Variants in RPS6KA2 observed in about 807,000 individuals in gnomAD.
The protein encoded by RPS6KA2 is ribosomal protein S6 kinase alpha-2.
RPS6KA2 carries 42 observed loss-of-function variants against 91.8 expected under a neutral mutation model. The ratio of observed to expected loss-of-function variants is 0.46; its 90% CI spans 0.36 to 0.59. The LOEUF is 0.59. Among genes scored for constraint, RPS6KA2 ranks in the 20% least tolerant of loss-of-function variants. The pLI, the probability that RPS6KA2 is intolerant of heterozygous loss-of-function variation, is 0.00. For missense variants in RPS6KA2, 798 were observed against 978.5 expected, an observed-to-expected ratio of 0.82 and a Z score of 2.46; for synonymous variants, 414 against 393.6, an observed-to-expected ratio of 1.05 and a Z score of -0.61.
chr6:166,806,673 C>T (rs1210596645), intron 2 of RPS6KA2, among the ~76,000 whole-genome samples: 2 of 151,988 alleles, frequency 1.3e-5, no homozygotes, highest in Non-Finnish European at 2.9e-5. Context: ...TAGACAATAA[C>T]TAAAAGCAAC....
At chr6:166,545,287 A>G (rs916692792) in intron 1 of RPS6KA2, among the ~76,000 whole-genome samples, 2 of 152,204 alleles carry the variant, frequency 1.3e-5, no homozygotes, top group African/African-American at 4.8e-5. Context: ...TTTCTCATCC[A>G]TCCTAGAATA....
intron 16 of RPS6KA2, among the ~76,000 whole-genome samples, chr6:166,425,910 AGGGATACCCAGGAATTGAAC>A (rs1778899847): frequency 6.6e-6 from 1 of 152,214 alleles, no homozygotes; most frequent in African/African-American, 2.4e-5. Flanking sequence ...GAAAGTTAAC[AGGGATACCCAGGAATTGAAC>A]TCAGCTCTGC....
intron 2 of RPS6KA2, among the ~76,000 whole-genome samples, chr6:166,655,157 T>C (rs1787968283): frequency 6.6e-6 from 1 of 152,226 alleles, no homozygotes; most frequent in Non-Finnish European, 1.5e-5. Flanking sequence ...TTCCAAACTA[T>C]TCAATTTACC....
In RPS6KA2 at chr6:166,563,145, T is replaced by A. The variant is rs1784392025; in HGVS notation, c.100-24361A>T. On this transcript the variant is annotated intron_variant, in intron 1 of 20. Transcript: ENST00000265678. The surrounding 1 kb of genome is among the most constrained non-coding windows in gnomAD (Gnocchi z 4.1). ...GCCTGCAATGACTGGAGGGTGGGAG[T>A]GGACGAAGTTTATTCTGGAGACAAC... Among the ~76,000 whole-genome samples, 1 of 151,740 alleles carries A rather than the reference T, an allele frequency of 6.6e-6. No homozygotes were observed.
At chr6:166,628,286 C>T (rs1786970643), upstream of RPS6KA2, among the ~76,000 whole-genome samples, 1 of 152,206 alleles carries the variant, frequency 6.6e-6, no homozygotes, top group Non-Finnish European at 1.5e-5. Context: ...CCCGTGCAGC[C>T]TGCTCTGTTT....
intron 2 of RPS6KA2, among the ~76,000 whole-genome samples, chr6:166,684,102 C>T (rs1788927800): frequency 6.6e-6 from 1 of 152,066 alleles, no homozygotes; most frequent in Non-Finnish European, 1.5e-5. Flanking sequence ...AAAACAGGGC[C>T]CAACCTCCCC....
chr6:166,579,736 C>T (rs935921925), intron 1 of RPS6KA2, among the ~76,000 whole-genome samples: 4 of 152,120 alleles, frequency 2.6e-5, no homozygotes, highest in Admixed American at 2.0e-4. Context: ...TATTTAATGT[C>T]GCTAAATTTC....
Position 166,770,998 on chromosome 6 carries a change from A to G in RPS6KA2, c.123+87202T>C. On this transcript the variant is annotated intron_variant, in intron 2 of 21. Transcript: ENST00000503859. The surrounding 1 kb of genome is among the most constrained non-coding windows in gnomAD (Gnocchi z 5.1). ...CAACTTCATTAGCAAGGGCATTACT[A>G]CCATACTCACCAGGCCTGTGAGCTT... 1 of 1,128,598 alleles carries G rather than the reference A, an allele frequency of 8.9e-7. No homozygotes were observed. Among genetic ancestry groups the G allele is most frequent in the Non-Finnish European group, 1.3e-6 (1 of 777,032 alleles). The allele number at this position is 1,128,598 out of a possible 1,614,324, so 69.9% of individuals were successfully genotyped here.
rs1562437253 is a variant in RPS6KA2 at position 166,783,836 on chromosome 6, ACACCTATCTAT to A, written c.123+74353_123+74363del. Reference sequence around the variant, plus strand: ...CCTGTAACCACATATGCACACGTGCACACCTATCTATACCACATATGCACACGTGCACACCT... The same window carrying A: ...CCTGTAACCACATATGCACACGTGCAACCACATATGCACACGTGCACACCT... On this transcript the variant is annotated intron_variant, in intron 2 of 21. Transcript: ENST00000503859. Among the ~76,000 whole-genome samples, 11 of 77,500 alleles carry A rather than the reference ACACCTATCTAT, an allele frequency of 1.4e-4. 1 individual carries two copies. Among genetic ancestry groups the A allele is most frequent in the East Asian group, 1.1e-3 (2 of 1,884 alleles). The allele number at this position is 77,500 out of a possible 152,430, so 50.8% of individuals were successfully genotyped here.
At chr6:166,744,458 G>A (rs1392985328) in intron 2 of RPS6KA2, among the ~76,000 whole-genome samples, 1 of 152,342 alleles carries the variant, frequency 6.6e-6, no homozygotes, top group East Asian at 1.9e-4. Flanking sequence ...GGTCCCGGGG[G>A]CCTGCACTCC....
Position 166,707,282 on chromosome 6 carries a change from C to T in RPS6KA2, c.123+150918G>A, listed in dbSNP as rs181385285. On this transcript the variant is annotated intron_variant, in intron 2 of 21. Coordinates refer to the RPS6KA2 transcript ENST00000503859. The stretch of plus-strand genomic sequence containing the variant: ...AGCCACGCAGCCCGCAGAGCAGAGC[C>T]GGGTTAGAGCACAGTTCCGTCTCAC... Among the ~76,000 whole-genome samples, 106 of 152,332 alleles carry T rather than the reference C, an allele frequency of 7.0e-4. 1 individual carries two copies. Among genetic ancestry groups the T allele is most frequent in the Non-Finnish European group, 1.3e-3 (86 of 68,022 alleles).
intron 2 of RPS6KA2, among the ~76,000 whole-genome samples, chr6:166,842,757 G>C (rs1007216914): frequency 5.3e-5 from 8 of 152,186 alleles, no homozygotes; most frequent in African/African-American, 1.9e-4. Flanking sequence ...AGGGAAAATG[G>C]AGATTAAGAT....
intron 1 of RPS6KA2, among the ~76,000 whole-genome samples, chr6:166,609,983 T>C (rs1786108723): frequency 6.6e-6 from 1 of 152,262 alleles, no homozygotes; most frequent in African/African-American, 2.4e-5. Context: ...CTCTTTTACA[T>C]ATTTTTCTAA....
At chr6:166,674,742 T>G (rs1012388632) in intron 2 of RPS6KA2, among the ~76,000 whole-genome samples, 12 of 152,124 alleles carry the variant, frequency 7.9e-5, no homozygotes, top group African/African-American at 2.9e-4. Context: ...AATCTGGGCT[T>G]GCTGCAACCT....
rs761302415 is a variant in RPS6KA2 at position 166,418,290 on chromosome 6, G to A, written c.1873C>T (p.Arg625Trp). The change falls in exon 19 of 21, where the codon CGG becomes TGG. Residue 625 changes from arginine to tryptophan, a missense_variant. Physicochemically the swap from Arg to Trp is moderately radical, Grantham distance 101 (BLOSUM62 -3). Transcript: ENST00000265678. This position sits in a 1 kb window ranked among gnomAD's most constrained non-coding sequence, Gnocchi z 4.9. ...AGGGCATACTTCCCACTGCCGATCCGCGCCAGAATCTCCTCAGGGGTATCG... is the reference window on the plus strand; with the variant it reads ...AGGGCATACTTCCCACTGCCGATCCACGCCAGAATCTCCTCAGGGGTATCG... ...PDDTPEEILARIGSGKYALSG... is the reference protein window; with the variant it reads ...PDDTPEEILAWIGSGKYALSG... The A allele has an allele frequency of 6.2e-6, 10 of 1,613,880 alleles. No individual in the cohort carries two copies. The highest frequency in any genetic ancestry group is 1.6e-4 in the Middle Eastern group (1 of 6,062).
At chr6:166,640,772 T>C (rs1347928687) in intron 2 of RPS6KA2, among the ~76,000 whole-genome samples, 1 of 147,180 alleles carries the variant, frequency 6.8e-6, no homozygotes, top group East Asian at 2.1e-4. Flanking sequence ...TATGTGAGTC[T>C]CTGCCATCTA....
At chr6:166,678,493 C>CA (rs1376932591) in intron 2 of RPS6KA2, among the ~76,000 whole-genome samples, 1 of 152,228 alleles carries the variant, frequency 6.6e-6, no homozygotes, top group East Asian at 1.9e-4. Flanking sequence ...AACAAAAACT[C>CA]AGTTTCCTGC....
chr6:166,469,808 G>C, intron 11 of RPS6KA2, 33 bp downstream of exon 11: 4 of 1,583,086 alleles, frequency 2.5e-6, no homozygotes, highest in Non-Finnish European at 2.6e-6. Flanking sequence ...TGTGTCACGC[G>C]TGTGCAGGTG....
intron 10 of RPS6KA2, chr6:166,475,763 G>T: frequency 1.9e-6 from 1 of 531,174 alleles, no homozygotes; most frequent in Non-Finnish European, 3.9e-6. Context: ...TGTGGAGGTG[G>T]GAGAAATGCC....
Sources: gnomAD v4.1 joint callset for allele counts (sites outside exome capture counted in the v4.1 genomes callset) on GRCh38, gnomAD v4.1.1 for gene constraint, Gnocchi (gnomAD v3.1) non-coding constraint, MANE v1.5 for transcripts, NCBI Gene and HGNC (gene_info 2026-07-23, HGNC 2026-07-21) for gene names.